TDRD7: variants seen among roughly 807,000 people sequenced by gnomAD.
The protein encoded by TDRD7 is tudor domain containing 7.
In TDRD7, 47 loss-of-function variants were observed where a neutral mutation model predicts 109.8. That is an observed-to-expected ratio of 0.43 (90% CI 0.34 to 0.55). The LOEUF (loss-of-function observed/expected upper bound fraction) is 0.55. Among genes scored for constraint, TDRD7 ranks in the 20% least tolerant of loss-of-function variants. The pLI, the probability that TDRD7 is intolerant of heterozygous loss-of-function variation, is 0.03. For missense variants in TDRD7, 1,164 were observed against 1,319.2 expected (o/e 0.88, Z 1.82); for synonymous variants, 424 against 457.3 (o/e 0.93, Z 0.93).
intron 6 of TDRD7, among the ~76,000 whole-genome samples, chr9:97,455,925 C>G (rs887689320): frequency 2.0e-5 from 3 of 152,106 alleles, no homozygotes; most frequent in African/African-American, 7.2e-5. Context: ...TTAGAAAACC[C>G]CATTATCTCA....
In TDRD7 at chr9:97,495,720, A is replaced by T; in HGVS notation, c.3134A>T (p.Glu1045Val). 1.9e-6 allele frequency: 3 copies of T among 1,614,224 alleles called. No individual in the cohort carries two copies. Among genetic ancestry groups the T allele is most frequent in the Non-Finnish European group, 2.5e-6 (3 of 1,180,036 alleles). ...EASMVFRNHV[E>V]KKPLVALVQT... Reference sequence around the variant, plus strand: ...TCTATGGTGTTTCGAAATCATGTGGAGAAGAAACCTCTGGTGGCACTGGTG... The same window carrying T: ...TCTATGGTGTTTCGAAATCATGTGGTGAAGAAACCTCTGGTGGCACTGGTG... The change falls in exon 17 of 17, where the codon GAG becomes GTG. Residue 1045 changes from glutamate to valine, a missense_variant. By Grantham distance (121) the Glu-to-Val change is moderately radical. This residue lies in a region of TDRD7 where 162 missense variants were observed against 222.5 expected (regional missense o/e 0.73). Coordinates refer to ENST00000355295, the MANE Select transcript of TDRD7 (RefSeq NM_014290.3).
intron 11 of TDRD7, among the ~76,000 whole-genome samples, chr9:97,474,244 T>C (rs1828972717): frequency 6.6e-6 from 1 of 152,180 alleles, no homozygotes; most frequent in Non-Finnish European, 1.5e-5. Flanking sequence ...ATGGTTTCCT[T>C]ACCTCCATTA....
intron 7 of TDRD7, among the ~76,000 whole-genome samples, chr9:97,461,842 C>A (rs1587880037): frequency 6.6e-6 from 1 of 152,146 alleles, no homozygotes; most frequent in African/African-American, 2.4e-5. Context: ...AGACCCATAA[C>A]TGAGATGGAA....
intron 11 of TDRD7, among the ~76,000 whole-genome samples, chr9:97,475,121 C>T (rs1828996209): frequency 6.6e-6 from 1 of 152,136 alleles, no homozygotes; most frequent in Admixed American, 6.5e-5. Context: ...TCATAATGAT[C>T]TTATGCTAAT....
chr9:97,451,021 A>G (rs538157901), intron 6 of TDRD7, among the ~76,000 whole-genome samples: 1 of 152,110 alleles, frequency 6.6e-6, no homozygotes, highest in South Asian at 2.1e-4. Context: ...TTTCAGCCCC[A>G]ACCAACCTCT....
chr9:97,457,562 T>C (rs769638678), intron 6 of TDRD7, among the ~76,000 whole-genome samples: 2 of 152,056 alleles, frequency 1.3e-5, no homozygotes, highest in Non-Finnish European at 2.9e-5. Context: ...GCATTTTTAG[T>C]AGAGACAGGA....
chr9:97,414,634 G>A (rs1033976247), intron 1 of TDRD7, among the ~76,000 whole-genome samples: 7 of 151,996 alleles, frequency 4.6e-5, no homozygotes, highest in Admixed American at 2.0e-4. Flanking sequence ...CCTTACTTAC[G>A]TACATTCGTG....
At chr9:97,427,269 C>A (rs1828014749) in intron 1 of TDRD7, among the ~76,000 whole-genome samples, 2 of 151,982 alleles carry the variant, frequency 1.3e-5, no homozygotes, top group Admixed American at 6.6e-5. Context: ...TGCAAAACTA[C>A]AACTAGATGT....
intron 9 of TDRD7, among the ~76,000 whole-genome samples, chr9:97,471,307 G>A (rs1238014111): frequency 6.6e-6 from 1 of 152,156 alleles, no homozygotes; most frequent in African/African-American, 2.4e-5. Context: ...TGCAGAAAAT[G>A]ATCATAATTA....
intron 4 of TDRD7, among the ~76,000 whole-genome samples, chr9:97,432,780 A>T (rs1223030413): frequency 6.6e-6 from 1 of 152,234 alleles, no homozygotes; most frequent in Non-Finnish European, 1.5e-5. Context: ...ATGTTAAACG[A>T]GATGATCTCA....
intron 4 of TDRD7, among the ~76,000 whole-genome samples, chr9:97,436,344 A>G (rs1564197663): frequency 6.6e-6 from 1 of 152,048 alleles, no homozygotes; most frequent in Non-Finnish European, 1.5e-5. Flanking sequence ...CCTGATTTTG[A>G]TTCTTAAGGG....
chr9:97,481,587 A>G (rs1479414313), intron 14 of TDRD7, among the ~76,000 whole-genome samples: 1 of 152,200 alleles, frequency 6.6e-6, no homozygotes, highest in Non-Finnish European at 1.5e-5. Context: ...TATCTTCATG[A>G]AGACCTCTAA....
intron 1 of TDRD7, among the ~76,000 whole-genome samples, chr9:97,413,509 C>G (rs1469897553): frequency 6.6e-6 from 1 of 152,212 alleles, no homozygotes; most frequent in Non-Finnish European, 1.5e-5. Context: ...AACAAACGGT[C>G]CATGTTTTAC....
intron 16 of TDRD7, among the ~76,000 whole-genome samples, chr9:97,490,948 C>T (rs1467498221): frequency 8.6e-6 from 1 of 116,688 alleles, no homozygotes; most frequent in Non-Finnish European, 1.6e-5. Flanking sequence ...CAGAGTCTTG[C>T]TCTGTCACCC....
intron 2 of TDRD7, among the ~76,000 whole-genome samples, chr9:97,430,189 G>A (rs1426561153): frequency 1.3e-5 from 2 of 151,938 alleles, no homozygotes; most frequent in Non-Finnish European, 2.9e-5. Context: ...ATCTTTTTTC[G>A]ATATCATATC....
rs1344211705 is a variant in TDRD7 at position 97,439,305 on chromosome 9, T to C, written c.624T>C (p.Thr208=). 3 of 1,603,078 alleles carry C rather than the reference T, an allele frequency of 1.9e-6. No homozygotes were observed. The Admixed American group carries it at 5.0e-5, about 27-fold the overall frequency. The part of the protein sequence containing the change: ...PLQMHLSRTS[T]KEMSDNLNQT... ...AGATGCATCTCTCAAGAACCTCTAC[T>C]AAGGAAATGAGTGGTATGTTTTCCA... The change falls in exon 5 of 17, where the codon ACT becomes ACC. Residue 208 remains threonine, a synonymous_variant. Transcript: ENST00000355295.
At chr9:97,425,979 G>T (rs978231564) in intron 1 of TDRD7, among the ~76,000 whole-genome samples, 1 of 152,158 alleles carries the variant, frequency 6.6e-6, no homozygotes, top group Admixed American at 6.5e-5. Context: ...TTCAGATAAA[G>T]AGGGATACTG....
At position 97,464,926 on chromosome 9, in the gene TDRD7, A is replaced by G. The variant is rs1828796653; in HGVS notation, c.1527A>G (p.Thr509=). ...ATTACAGTAAGAATCCTAAGATCAC[A>G]CCAGTCCAGGCTGTGAATGTTGGGC... The part of the protein sequence containing the change: ...KEYYSKNPKI[T]PVQAVNVGQL... Residue 509 remains threonine (T), a synonymous_variant, in exon 8 of 17, where the codon ACA becomes ACG. Coordinates refer to ENST00000355295, the MANE Select transcript of TDRD7 (RefSeq NM_014290.3). 1.2e-6 allele frequency: 2 copies of G among 1,614,188 alleles called. No individual in the cohort carries two copies. Among genetic ancestry groups the G allele is most frequent in the African/African-American group, 2.7e-5 (2 of 75,044 alleles).
At chr9:97,429,613 A>G (rs1278578149) in intron 2 of TDRD7, among the ~76,000 whole-genome samples, 1 of 152,238 alleles carries the variant, frequency 6.6e-6, no homozygotes, top group Non-Finnish European at 1.5e-5. Context: ...AGGAGAAGAT[A>G]TAAATTAATT....
Sources: allele counts gnomAD v4.1 joint callset (sites outside exome capture counted in the v4.1 genomes callset), GRCh38; gene constraint gnomAD v4.1.1; regional missense constraint gnomAD v4.1.1; transcripts MANE v1.5; gene names NCBI Gene and HGNC (gene_info 2026-07-23, HGNC 2026-07-21).